ELOVL7: variants seen among roughly 807,000 people sequenced by gnomAD.
The protein encoded by ELOVL7 is ELOVL fatty acid elongase 7, also known as very long chain fatty acid elongase 7.
A neutral mutation model predicts 35.7 loss-of-function variants in ELOVL7; 27 were observed. The observed-to-expected ratio is 0.76, with a 90% CI of 0.56 to 1.04. ELOVL7 has a LOEUF of 1.04. Among genes scored for constraint, ELOVL7 ranks in the 50% least tolerant of loss-of-function variants. ELOVL7 has a pLI of 0.00. For synonymous variants in ELOVL7, 113 were observed against 114.6 expected (o/e 0.99, Z 0.09); for missense variants, 327 against 340.8 (o/e 0.96, Z 0.32).
chr5:60,756,594 A>G (rs1209758040), intron 8 of ELOVL7, among the ~76,000 whole-genome samples: 1 of 152,174 alleles, frequency 6.6e-6, no homozygotes, highest in Non-Finnish European at 1.5e-5. Flanking sequence ...TAACTCTGCA[A>G]GGAAATACTC....
At chr5:60,772,139 G>T in intron 3 of ELOVL7, 46 bp from the exon 4 acceptor site, 3 of 1,290,686 alleles carry the variant, frequency 2.3e-6, no homozygotes, top group East Asian at 2.5e-5. Context: ...TAGCCAAGGG[G>T]TAACTAACAG....
At chr5:60,828,237 C>T (rs973729689) in intron 1 of ELOVL7, among the ~76,000 whole-genome samples, 3 of 152,154 alleles carry the variant, frequency 2.0e-5, no homozygotes, top group African/African-American at 4.8e-5. Context: ...CAGCCAAGTA[C>T]ACTTTTTTGC....
At chr5:60,818,439 G>A (rs1416470901) in intron 1 of ELOVL7, among the ~76,000 whole-genome samples, 2 of 151,784 alleles carry the variant, frequency 1.3e-5, no homozygotes, top group Non-Finnish European at 1.5e-5. Context: ...TTGTATGTGC[G>A]CAAATCTCTG....
At chr5:60,840,940 A>AT (rs1272395597) in intron 1 of ELOVL7, among the ~76,000 whole-genome samples, 1 of 152,200 alleles carries the variant, frequency 6.6e-6, no homozygotes, top group Non-Finnish European at 1.5e-5. Context: ...TACAAACAAT[A>AT]TGAGTTCTGA....
intron 1 of ELOVL7, among the ~76,000 whole-genome samples, chr5:60,841,507 C>G (rs1033099335): frequency 6.6e-6 from 1 of 152,168 alleles, no homozygotes; most frequent in African/African-American, 2.4e-5. Context: ...TATTTTCTCT[C>G]TCCTCAAGCC....
chr5:60,811,181 A>T (rs1745219327), intron 1 of ELOVL7, among the ~76,000 whole-genome samples: 1 of 152,198 alleles, frequency 6.6e-6, no homozygotes, highest in African/African-American at 2.4e-5. Context: ...TTTTTAAAAA[A>T]AACTTTGCAA....
chr5:60,823,550 A>G (rs982398923), intron 1 of ELOVL7, among the ~76,000 whole-genome samples: 2 of 152,220 alleles, frequency 1.3e-5, no homozygotes, highest in African/African-American at 4.8e-5. Flanking sequence ...CTAAAAATTA[A>G]AGAGGATTCA....
At chr5:60,773,039 C>T (rs367787491) in intron 3 of ELOVL7, among the ~76,000 whole-genome samples, 2 of 152,070 alleles carry the variant, frequency 1.3e-5, no homozygotes, top group Non-Finnish European at 1.5e-5. Context: ...AAAAAATGCA[C>T]GGTCTCACAA....
intron 1 of ELOVL7, among the ~76,000 whole-genome samples, chr5:60,828,484 A>G (rs962473788): frequency 4.6e-5 from 7 of 152,198 alleles, no homozygotes; most frequent in African/African-American, 1.7e-4. Flanking sequence ...TAAAGTATTT[A>G]TAGCTTTAGA....
At chr5:60,797,238 A>T (rs1744317717) in intron 2 of ELOVL7, among the ~76,000 whole-genome samples, 1 of 152,228 alleles carries the variant, frequency 6.6e-6, no homozygotes, top group Non-Finnish European at 1.5e-5. Context: ...CACACATTAC[A>T]GAAGCAAAAA....
At chr5:60,824,897 C>T (rs988575691) in intron 1 of ELOVL7, among the ~76,000 whole-genome samples, 3 of 152,142 alleles carry the variant, frequency 2.0e-5, no homozygotes, top group Non-Finnish European at 2.9e-5. Context: ...ATGGGCTCCA[C>T]GGCCTTACAT....
At position 60,764,345 on chromosome 5, in the gene ELOVL7, A is replaced by G; in HGVS notation, c.394-13T>C. On this transcript the variant is annotated splice_polypyrimidine_tract_variant and intron_variant, in intron 6 of 8. Transcript: ENST00000508821. ...GAACAAAAAAGATCTGAAATAATTT[A>G]AAGAATATCAAGTTCACAGAAAATC... is the stretch of plus-strand genomic sequence containing the variant. The G allele has an allele frequency of 6.4e-7, 1 of 1,574,160 alleles. No individual in the cohort carries two copies. Among genetic ancestry groups the G allele is most frequent in the South Asian group, 1.1e-5 (1 of 90,030 alleles).
At chr5:60,761,949 G>C (rs1457995492) in intron 7 of ELOVL7, among the ~76,000 whole-genome samples, 2 of 152,172 alleles carry the variant, frequency 1.3e-5, no homozygotes, top group Non-Finnish European at 2.9e-5. Context: ...TAAGATCGAA[G>C]GGGGCTCGGT....
intron 1 of ELOVL7, among the ~76,000 whole-genome samples, chr5:60,829,132 A>G (rs1002115890): frequency 2.2e-4 from 34 of 151,958 alleles, no homozygotes; most frequent in Admixed American, 1.8e-3. Context: ...TAAAATGTTC[A>G]TGTTGGAAAG....
chr5:60,842,496 TAA>T (rs35647484), intron 1 of ELOVL7, among the ~76,000 whole-genome samples: 1 of 140,012 alleles, frequency 7.1e-6, no homozygotes, highest in Admixed American at 7.1e-5. Flanking sequence ...CTATTTTTCT[TAA>T]AAAAAAAAAA....
intron 1 of ELOVL7, chr5:60,843,337 G>C (rs1747294857): frequency 1.0e-5 from 1 of 98,090 alleles, no homozygotes; most frequent in East Asian, 2.0e-4. Context: ...GACTTGAAGG[G>C]GGAAAGCCCA....
intron 1 of ELOVL7, among the ~76,000 whole-genome samples, chr5:60,836,580 G>A (rs1000820081): frequency 6.6e-6 from 1 of 152,076 alleles, no homozygotes; most frequent in East Asian, 1.9e-4. Context: ...AAAAAGACAG[G>A]TAAGACTCTG....
intron 1 of ELOVL7, among the ~76,000 whole-genome samples, chr5:60,833,307 A>C (rs1002965209): frequency 2.0e-5 from 3 of 152,336 alleles, no homozygotes; most frequent in African/African-American, 7.2e-5. Context: ...ATGACCTCTC[A>C]GGTCCTTTGC....
At chr5:60,777,296 G>A (rs1742965518) in intron 3 of ELOVL7, among the ~76,000 whole-genome samples, 1 of 151,808 alleles carries the variant, frequency 6.6e-6, no homozygotes, top group South Asian at 2.1e-4. Context: ...CATTTTACAT[G>A]ATATAATTAT....
Sources: allele counts gnomAD v4.1 joint callset (sites outside exome capture counted in the v4.1 genomes callset), GRCh38; gene constraint gnomAD v4.1.1; transcripts MANE v1.5; gene names NCBI Gene and HGNC (gene_info 2026-07-23, HGNC 2026-07-21).